The following SNX29 variants were observed in gnomAD, a reference collection of about 807,000 sequenced individuals.
SNX29 encodes sorting nexin-29.
Under a neutral mutation model 102.1 loss-of-function variants are expected in SNX29, and 78 were observed. That is an observed-to-expected ratio of 0.76 (90% CI 0.64 to 0.92). The LOEUF (loss-of-function observed/expected upper bound fraction) is 0.92, where lower values mean the gene tolerates loss of function less well. Among genes scored for constraint, SNX29 ranks in the 40% least tolerant of loss-of-function variants. The pLI, the probability that SNX29 is intolerant of heterozygous loss-of-function variation, is 0.00. For missense variants in SNX29, 1,280 were observed against 1,061.7 expected (o/e 1.21, Z -2.86); for synonymous variants, 580 against 414.5 (o/e 1.40, Z -4.85).
intron 20 of SNX29, among the ~76,000 whole-genome samples, chr16:12,560,589 C>A (rs757178619): frequency 2.6e-5 from 4 of 152,170 alleles, no homozygotes; most frequent in Non-Finnish European, 4.4e-5. Flanking sequence ...TCCATCTGTA[C>A]CTCTCATAAA....
At chr16:12,088,963 C>T (rs535221830) in intron 11 of SNX29, among the ~76,000 whole-genome samples, 2 of 152,208 alleles carry the variant, frequency 1.3e-5, no homozygotes, top group South Asian at 4.1e-4. Context: ...TGGTGGGCAC[C>T]TGTGGTCCCA....
chr16:12,554,868 C>T (rs558169876), intron 20 of SNX29, among the ~76,000 whole-genome samples: 8 of 152,032 alleles, frequency 5.3e-5, no homozygotes, highest in Non-Finnish European at 8.8e-5. Flanking sequence ...GGAAAGAGGA[C>T]AAAGATATGT....
At chr16:12,276,813 A>T (rs919062026) in intron 14 of SNX29, among the ~76,000 whole-genome samples, 2 of 152,146 alleles carry the variant, frequency 1.3e-5, no homozygotes, top group African/African-American at 4.8e-5. Context: ...ATATATGGGC[A>T]TATACATAAT....
intron 14 of SNX29, among the ~76,000 whole-genome samples, chr16:12,277,069 A>G (rs907515868): frequency 1.3e-5 from 2 of 152,122 alleles, no homozygotes; most frequent in Admixed American, 6.5e-5. Context: ...TTTTTGTTGT[A>G]GAAAAAGGAA....
At chr16:12,232,521 A>G (rs1003658352) in intron 14 of SNX29, among the ~76,000 whole-genome samples, 5 of 147,136 alleles carry the variant, frequency 3.4e-5, no homozygotes, top group African/African-American at 1.4e-4. Context: ...ACTCGGCCAG[A>G]AACAAACAAA....
chr16:12,025,489 A>C (rs560482357), intron 3 of SNX29, among the ~76,000 whole-genome samples: 10 of 152,276 alleles, frequency 6.6e-5, no homozygotes, highest in Admixed American at 1.3e-4. Flanking sequence ...TGGAACACAC[A>C]TTATATACCA....
At chr16:11,999,601 C>A (rs776970320) in intron 2 of SNX29, among the ~76,000 whole-genome samples, 4 of 152,092 alleles carry the variant, frequency 2.6e-5, no homozygotes, top group Admixed American at 6.6e-5. Flanking sequence ...TCAGTGATGT[C>A]CCTTCAAGAA....
rs555294506 is a variant in SNX29 at position 12,403,181 on chromosome 16, C to T, written c.1956-267C>T. Among the ~76,000 whole-genome samples, 111 of 145,608 alleles carry T rather than the reference C, an allele frequency of 7.6e-4. 1 individual carries two copies. Among genetic ancestry groups the T allele is most frequent in the African/African-American group, 1.0e-3 (39 of 38,462 alleles). Reference sequence around the variant, plus strand: ...AACTGAAGGGAGCTCTTTCACATTCCGGAGTACAGATTGTGTGTGTATGTG... The same window carrying T: ...AACTGAAGGGAGCTCTTTCACATTCTGGAGTACAGATTGTGTGTGTATGTG... On this transcript the variant is annotated intron_variant, in intron 17 of 20. Transcript: ENST00000566228.
chr16:11,979,771 A>C (rs556674391), intron 1 of SNX29, among the ~76,000 whole-genome samples: 33 of 151,990 alleles, frequency 2.2e-4, no homozygotes, highest in African/African-American at 6.5e-4. Context: ...TTTAGTAGAG[A>C]TGGAGTTTCG....
chr16:12,104,745 CTGGA>C (rs2053162168), intron 11 of SNX29, among the ~76,000 whole-genome samples: 1 of 152,186 alleles, frequency 6.6e-6, no homozygotes, highest in Non-Finnish European at 1.5e-5. Context: ...ACTGTGAATA[CTGGA>C]AACCTCTTGT....
intron 1 of SNX29, among the ~76,000 whole-genome samples, chr16:11,986,959 C>T (rs527243258): frequency 5.3e-4 from 80 of 152,322 alleles, no homozygotes; most frequent in Non-Finnish European, 9.7e-4. Flanking sequence ...TACAAATCTT[C>T]GTGCCCATTG....
intron 18 of SNX29, among the ~76,000 whole-genome samples, chr16:12,407,729 C>A (rs1202328364): frequency 6.6e-6 from 1 of 152,204 alleles, no homozygotes; most frequent in Non-Finnish European, 1.5e-5. Context: ...CATTTACTGA[C>A]ATGTTTTTCA....
At chr16:11,985,598 G>A (rs2055587769) in intron 1 of SNX29, among the ~76,000 whole-genome samples, 1 of 152,172 alleles carries the variant, frequency 6.6e-6, no homozygotes, top group South Asian at 2.1e-4. Context: ...TGGTCATCCT[G>A]CAACCCATCA....
At chr16:12,262,922 T>C (rs549727555) in intron 14 of SNX29, among the ~76,000 whole-genome samples, 1 of 152,298 alleles carries the variant, frequency 6.6e-6, no homozygotes, top group South Asian at 2.1e-4. Flanking sequence ...CTGCAGCCCT[T>C]GGCAACTATG....
rs369015533 is a variant in SNX29 at position 12,063,366 on chromosome 16, C to CTTTTTTTTTTTTTTTTTTTTTTTTT, written c.1243+1722_1243+1746dup. 4.0e-4 allele frequency among the ~76,000 whole-genome samples: 22 copies of CTTTTTTTTTTTTTTTTTTTTTTTTT among 55,396 alleles called. 5 individuals are homozygous for CTTTTTTTTTTTTTTTTTTTTTTTTT. Among genetic ancestry groups the CTTTTTTTTTTTTTTTTTTTTTTTTT allele is most frequent in the East Asian group, 2.0e-3 (4 of 2,022 alleles). 36.3% of individuals were successfully genotyped at this position (55,396 alleles called of 152,430 possible). On this transcript the variant is annotated intron_variant, in intron 9 of 20. Coordinates refer to ENST00000566228, the MANE Select transcript of SNX29 (RefSeq NM_032167.5). ...CCCACCTCTTCTTTTCCTAGTCCAT[C>CTTTTTTTTTTTTTTTTTTTTTTTTT]TTTTTTTTTTTTTTTTTTTTTTTTT... is the stretch of plus-strand genomic sequence containing the variant.
intron 20 of SNX29, among the ~76,000 whole-genome samples, chr16:12,531,219 C>T (rs781138468): frequency 1.3e-5 from 2 of 152,162 alleles, no homozygotes; most frequent in Admixed American, 6.5e-5. Context: ...AGCCCCAAGT[C>T]ATCCCCTGTG....
chr16:12,019,810 T>A (rs1330062248), intron 3 of SNX29, among the ~76,000 whole-genome samples: 1 of 151,826 alleles, frequency 6.6e-6, no homozygotes, highest in Non-Finnish European at 1.5e-5. Context: ...CTTTTTTTTG[T>A]ATTTTTAGTA....
intron 3 of SNX29, 56 bp downstream of exon 3, chr16:12,003,099 GTGGCCGGCTTCTAAAACCGTTGACCAT>G: frequency 1.2e-6 from 2 of 1,602,700 alleles, no homozygotes; most frequent in South Asian, 1.1e-5. Context: ...GCGGCAGAAG[GTGGCCGGCTTCTAAAACCGTTGACCAT>G]CGAGGTTGGA....
intron 18 of SNX29, among the ~76,000 whole-genome samples, chr16:12,428,134 C>A (rs758994187): frequency 6.6e-6 from 1 of 152,192 alleles, no homozygotes; most frequent in Non-Finnish European, 1.5e-5. Flanking sequence ...TAATTCCCTG[C>A]CTCATCACCC....
Sources: allele counts gnomAD v4.1 joint callset (sites outside exome capture counted in the v4.1 genomes callset), GRCh38; gene constraint gnomAD v4.1.1; transcripts MANE v1.5; gene names NCBI Gene and HGNC (gene_info 2026-07-23, HGNC 2026-07-21).